The following PCM1 variants were observed in gnomAD, a reference collection of about 807,000 sequenced individuals.
PCM1 encodes pericentriolar material 1 protein.
PCM1 carries 157 observed loss-of-function variants against 241.9 expected under a neutral mutation model. The observed-to-expected ratio is 0.65, with a 90% CI of 0.57 to 0.74. The LOEUF (loss-of-function observed/expected upper bound fraction) is 0.74, where lower values mean the gene tolerates loss of function less well. Ranked by LOEUF, PCM1 falls within the 30% of genes least tolerant of loss-of-function variation. The pLI is 0.00. For missense variants in PCM1, 3,478 were observed against 2,360.1 expected (o/e 1.47, Z -9.81); for synonymous variants, 1,085 against 784.9 (o/e 1.38, Z -6.39).
intron 7 of PCM1, among the ~76,000 whole-genome samples, chr8:17,949,085 T>C (rs1364011423): frequency 1.3e-5 from 2 of 152,162 alleles, no homozygotes; most frequent in Non-Finnish European, 2.9e-5. Flanking sequence ...GATAATTTCT[T>C]TTTAAAAAAT....
At chr8:18,025,730 T>G (rs569176948) in intron 38 of PCM1, 72 bp downstream of exon 38, 2 of 847,446 alleles carry the variant, frequency 2.4e-6, no homozygotes, top group Non-Finnish European at 3.7e-6. Context: ...TGTGTTTTAT[T>G]TTTTAAATAT....
chr8:17,950,939 T>C (rs1171619058), intron 8 of PCM1, among the ~76,000 whole-genome samples: 2 of 152,240 alleles, frequency 1.3e-5, no homozygotes, highest in Non-Finnish European at 2.9e-5. Flanking sequence ...CTGGGGACTA[T>C]ACTTTAAGAA....
Position 17,966,067 on chromosome 8 carries a change from A to G in PCM1, c.2924A>G (p.Asn975Ser). 1.2e-6 allele frequency: 2 copies of G among 1,613,964 alleles called. No individual in the cohort carries two copies. Among genetic ancestry groups the G allele is most frequent in the Non-Finnish European group, 1.7e-6 (2 of 1,179,874 alleles). Residue 975 changes from asparagine (N) to serine (S), a missense_variant, in exon 19 of 39, where the codon AAT becomes AGT. Physicochemically the swap from Asn to Ser is conservative, Grantham distance 46. Transcript: ENST00000325083. ...CCTTTAGCCAAGACAAGGCAACAGAATATCAGCATGCAACGGCAAGAAAAC... is the reference window on the plus strand; with the variant it reads ...CCTTTAGCCAAGACAAGGCAACAGAGTATCAGCATGCAACGGCAAGAAAAC... ...YRPLAKTRQQ[N>S]ISMQRQENLR...
Position 17,960,021 on chromosome 8 carries a change from A to G in PCM1, c.2048A>G (p.Asp683Gly), listed in dbSNP as rs1312855925. ...GTAATGATGCTCTTTCAGGATGATG[A>G]TGCAGCTCAAGGAGTTATCTCTGCC... is the stretch of plus-strand genomic sequence containing the variant. ...QDLVAMVQDDDAAQGVISASA... is the reference protein window; with the variant it reads ...QDLVAMVQDDGAAQGVISASA... Residue 683 changes from aspartate (D) to glycine (G), a missense_variant, in exon 14 of 39, where the codon GAT (aspartate) becomes GGT (glycine). Asp to Gly is a moderately conservative substitution (Grantham distance 94). Transcript: ENST00000325083. 1.2e-6 allele frequency: 2 copies of G among 1,612,558 alleles called. No homozygotes were observed. Among genetic ancestry groups the G allele is most frequent in the Middle Eastern group, 1.7e-4 (1 of 6,054 alleles).
At chr8:17,962,289 A>G (rs945331146) in intron 16 of PCM1, 115 bp downstream of exon 16, 25 of 808,182 alleles carry the variant, frequency 3.1e-5, no homozygotes, top group Non-Finnish European at 4.6e-5. Flanking sequence ...ATGTTTGTAA[A>G]TAGTAGTCTG....
intron 17 of PCM1, 80 bp downstream of exon 17, chr8:17,963,371 C>G (rs1034344997): frequency 1.0e-6 from 1 of 981,440 alleles, no homozygotes; most frequent in African/African-American, 1.7e-5. Flanking sequence ...CCACATTTCT[C>G]CTCTACATCA....
chr8:17,944,432 T>G (rs1447700182), intron 6 of PCM1, among the ~76,000 whole-genome samples: 2 of 152,116 alleles, frequency 1.3e-5, no homozygotes, highest in Non-Finnish European at 2.9e-5. Context: ...TAGGATCCAT[T>G]AATAATTACT....
At chr8:17,983,822 C>T (rs928879637) in intron 24 of PCM1, among the ~76,000 whole-genome samples, 3 of 152,058 alleles carry the variant, frequency 2.0e-5, no homozygotes, top group Admixed American at 6.5e-5. Flanking sequence ...ATTTTTTTAA[C>T]TCCTCTTGCA....
chr8:18,027,701 C>T lies in PCM1; in HGVS notation c.*39C>T. 1 of 1,447,030 alleles carries T rather than the reference C, an allele frequency of 6.9e-7. No homozygotes were observed. Among genetic ancestry groups the T allele is most frequent in the African/African-American group, 1.4e-5 (1 of 71,938 alleles). The allele number at this position is 1,447,030 out of a possible 1,614,324, so 89.6% of individuals were successfully genotyped here. A position where few individuals can be genotyped will look rare whatever the true frequency, so the allele number is the denominator to read the frequency against. ...GCTCATCTAACTCTGTCCTTACATA[C>T]TCAATGCATATATGAAAACAATACT... On this transcript the variant is annotated 3_prime_UTR_variant, in exon 39 of 39. Transcript: ENST00000325083.
At chr8:18,012,035 G>T (rs867982798) in intron 34 of PCM1, among the ~76,000 whole-genome samples, 1 of 151,944 alleles carries the variant, frequency 6.6e-6, no homozygotes, top group African/African-American at 2.4e-5. Context: ...CAGTCTTCTG[G>T]GCTGGAGTGC....
Position 17,953,061 on chromosome 8 carries a change from G to A in PCM1, c.1163G>A (p.Arg388His), listed in dbSNP as rs1466106515. ...AGCAGGAAACCATCAGCTTCAGAAC[G>A]TTTACCTGATGAGAAAGTCGAACTT... ...SQSRKPSASE[R>H]LPDEKVELFS... Residue 388 changes from arginine (R) to histidine (H), a missense_variant, in exon 9 of 39, where the codon CGT becomes CAT. Arg to His is a conservative substitution (Grantham distance 29, BLOSUM62 0). Coordinates refer to ENST00000325083, the MANE Select transcript of PCM1 (RefSeq NM_006197.4). 1.1e-5 allele frequency: 18 copies of A among 1,606,308 alleles called. No homozygotes were observed. The highest frequency in any genetic ancestry group is 4.5e-5 in the East Asian group (2 of 44,732).
rs1186029134 is a variant in PCM1 at position 17,947,217 on chromosome 8, A to G, written c.815A>G (p.Glu272Gly). The change falls in exon 7 of 39, where the codon GAG (glutamate) becomes GGG (glycine). Residue 272 changes from glutamate to glycine, a missense_variant. Coordinates refer to ENST00000325083, the MANE Select transcript of PCM1 (RefSeq NM_006197.4). ...ARDPQQEPMEEIENLKKQHDL... is the reference protein window; with the variant it reads ...ARDPQQEPMEGIENLKKQHDL... ...GATCCTCAGCAGGAGCCTATGGAAG[A>G]GATAGAAAATTTGAAGAAACAACAT... 3 of 1,609,798 alleles carry G rather than the reference A, an allele frequency of 1.9e-6. No homozygotes were observed. The highest frequency in any genetic ancestry group is 1.7e-5 in the Admixed American group (1 of 59,774).
chr8:17,935,705 T>C lies in PCM1; in HGVS notation c.95T>C (p.Met32Thr). Residue 32 changes from methionine (M) to threonine (T), a missense_variant and splice_region_variant, in exon 3 of 39, where the codon ATG becomes ACG. By Grantham distance (81) the Met-to-Thr change is moderately conservative. Coordinates refer to ENST00000325083, the MANE Select transcript of PCM1 (RefSeq NM_006197.4). ...AATGTTGATGACAGGCTCAACAATA[T>C]GGTATGATTCCTTACTCTTCATGGT... The part of the protein sequence containing the change: ...NENVDDRLNN[M>T]DWGAQQKKAN... 7.6e-7 allele frequency: 1 copy of C among 1,320,040 alleles called. No individual in the cohort carries two copies. The highest frequency in any genetic ancestry group is 1.1e-6 in the Non-Finnish European group (1 of 912,206). The allele number at this position is 1,320,040 out of a possible 1,614,324, so 81.8% of individuals were successfully genotyped here.
chr8:18,007,382 G>T (rs1033477507), intron 30 of PCM1, among the ~76,000 whole-genome samples: 1 of 152,126 alleles, frequency 6.6e-6, no homozygotes, highest in Non-Finnish European at 1.5e-5. Flanking sequence ...TCCTGGCCCC[G>T]TTAGCAGTTA....
chr8:17,986,214 G>T, intron 26 of PCM1, 127 bp downstream of exon 26: 3 of 612,438 alleles, frequency 4.9e-6, no homozygotes, highest in Non-Finnish European at 7.7e-6. Flanking sequence ...TTAAAACTTG[G>T]GTATAATGTG....
Position 18,011,934 on chromosome 8 carries a change from T to C in PCM1, c.5511+107T>C, listed in dbSNP as rs1308337051. The C allele has an allele frequency of 6.0e-6, 6 of 1,000,234 alleles. No individual in the cohort carries two copies. The East Asian group carries it at 1.5e-4, about 25-fold the overall frequency. 62.0% of individuals were successfully genotyped at this position (1,000,234 alleles called of 1,614,324 possible). On this transcript the variant is annotated intron_variant, in intron 34 of 38. Transcript: ENST00000325083. Reference sequence around the variant, plus strand: ...AAGTAGATCCTTCTAAATATTCAGGTTTCATGAATGCAAGCCTCATTAATA... The same window carrying C: ...AAGTAGATCCTTCTAAATATTCAGGCTTCATGAATGCAAGCCTCATTAATA...
At position 17,938,721 on chromosome 8, in the gene PCM1, A is replaced by G. The variant is rs2061166580; in HGVS notation, c.343-19A>G. On this transcript the variant is annotated intron_variant, in intron 4 of 38. Transcript: ENST00000325083. The stretch of plus-strand genomic sequence containing the variant: ...ATAAGGTTAATGTTTGTGTGATTTG[A>G]TTTCTTTTTCATATATAGAGAAGCA... 1 of 1,592,034 alleles carries G rather than the reference A, an allele frequency of 6.3e-7. No homozygotes were observed. The highest frequency in any genetic ancestry group is 1.1e-5 in the South Asian group (1 of 90,050).
chr8:17,981,641 A>T (rs767681142), intron 24 of PCM1, among the ~76,000 whole-genome samples: 1 of 152,236 alleles, frequency 6.6e-6, no homozygotes, highest in Non-Finnish European at 1.5e-5. Context: ...TTTAAAAATG[A>T]TAACAGCAGC....
At chr8:18,013,865 G>T in intron 34 of PCM1, 99 bp from the exon 35 acceptor site, 1 of 682,092 alleles carries the variant, frequency 1.5e-6, no homozygotes, top group Non-Finnish European at 2.5e-6. Context: ...TTCTTTGTAT[G>T]AAGGTCTTGG....
Sources: gnomAD v4.1 joint callset for allele counts (sites outside exome capture counted in the v4.1 genomes callset) on GRCh38, gnomAD v4.1.1 for gene constraint, MANE v1.5 for transcripts, NCBI Gene and HGNC (gene_info 2026-07-23, HGNC 2026-07-21) for gene names.